Variants in GRIK2 observed in about 807,000 individuals in gnomAD.
The protein encoded by GRIK2 is glutamate ionotropic receptor kainate type subunit 2.
GRIK2 carries 32 observed loss-of-function variants against 100.3 expected under a neutral mutation model. The observed-to-expected ratio is 0.32, with a 90% CI of 0.24 to 0.43. The LOEUF (loss-of-function observed/expected upper bound fraction) is 0.43, where lower values mean the gene tolerates loss of function less well. Ranked by LOEUF, GRIK2 falls within the 20% of genes least tolerant of loss-of-function variation. The probability of loss-of-function intolerance (pLI) is 1.00; values close to 1 mark genes in which losing one functional copy is unlikely to be tolerated. For missense variants in GRIK2, 843 were observed against 1,114.9 expected (o/e 0.76, Z 3.47); for synonymous variants, 417 against 389.4 (o/e 1.07, Z -0.83).
intron 7 of GRIK2, among the ~76,000 whole-genome samples, chr6:101,751,543 A>G (rs967771919): frequency 1.3e-5 from 2 of 152,210 alleles, no homozygotes; most frequent in African/African-American, 2.4e-5. Flanking sequence ...TAAACTAATA[A>G]CTTTTTAACA....
intron 10 of GRIK2, among the ~76,000 whole-genome samples, chr6:101,818,753 A>G (rs1361388029): frequency 6.6e-6 from 1 of 152,184 alleles, no homozygotes; most frequent in East Asian, 1.9e-4. Flanking sequence ...AAAATTAGTT[A>G]CTATTGAGGA....
chr6:101,909,377 T>TTTTTGTTG (rs1554284509), intron 12 of GRIK2, among the ~76,000 whole-genome samples: 1 of 116,154 alleles, frequency 8.6e-6, no homozygotes, highest in Non-Finnish European at 1.8e-5. Context: ...TAGGGTTTTC[T>TTTTTGTTG]TTTTCTTTTT....
At chr6:101,437,334 T>G (rs1352632378) in intron 2 of GRIK2, among the ~76,000 whole-genome samples, 1 of 152,108 alleles carries the variant, frequency 6.6e-6, no homozygotes, top group African/African-American at 2.4e-5. Flanking sequence ...CCTTTTCCCT[T>G]TATTGATAAT....
intron 7 of GRIK2, among the ~76,000 whole-genome samples, chr6:101,721,171 G>T (rs1005337739): frequency 2.6e-5 from 4 of 151,908 alleles, no homozygotes; most frequent in African/African-American, 7.2e-5. Flanking sequence ...ATTGATTGTT[G>T]CTTCACTTTT....
At chr6:101,726,556 T>C (rs772472839) in intron 7 of GRIK2, among the ~76,000 whole-genome samples, 4 of 151,992 alleles carry the variant, frequency 2.6e-5, no homozygotes, top group Non-Finnish European at 5.9e-5. Context: ...ATGACAGTTA[T>C]ATCGATGATT....
At chr6:101,790,395 T>G (rs533691471) in intron 7 of GRIK2, among the ~76,000 whole-genome samples, 49 of 152,294 alleles carry the variant, frequency 3.2e-4, no homozygotes, top group African/African-American at 1.1e-3. Flanking sequence ...ATTCCTAATT[T>G]ATTGAGAATT....
chr6:101,926,952 C>T (rs1789940775), intron 13 of GRIK2, among the ~76,000 whole-genome samples: 1 of 151,994 alleles, frequency 6.6e-6, no homozygotes, highest in Non-Finnish European at 1.5e-5. Flanking sequence ...CAAAACAAAA[C>T]ACAAAAAAAG....
intron 2 of GRIK2, among the ~76,000 whole-genome samples, chr6:101,466,810 A>T (rs758371466): frequency 5.9e-5 from 9 of 152,200 alleles, no homozygotes; most frequent in Non-Finnish European, 1.3e-4. Flanking sequence ...ACTCCTGCAG[A>T]TGATGAAGGT....
chr6:101,825,610 A>AAAGTTTC (rs1782270705), intron 10 of GRIK2, among the ~76,000 whole-genome samples: 2 of 151,472 alleles, frequency 1.3e-5, no homozygotes, highest in African/African-American at 4.9e-5. Context: ...ACTTATAAGC[A>AAAGTTTC]GTTTTGCCTT....
chr6:102,064,150 T>C, intron 16 of GRIK2: 1 of 636,130 alleles, frequency 1.6e-6, no homozygotes, highest in Non-Finnish European at 2.8e-6. Context: ...TGACCTTATT[T>C]AATGACACAG....
At chr6:101,762,173 T>TGTCTCC (rs370739588) in intron 7 of GRIK2, among the ~76,000 whole-genome samples, 2 of 148,014 alleles carry the variant, frequency 1.4e-5, no homozygotes, top group Non-Finnish European at 3.0e-5. Context: ...TCTCTGTCTC[T>TGTCTCC]CTCTCTCTCT....
intron 5 of GRIK2, among the ~76,000 whole-genome samples, 158 bp downstream of exon 5, chr6:101,676,962 C>G (rs558557264): frequency 6.6e-6 from 1 of 152,106 alleles, no homozygotes; most frequent in South Asian, 2.1e-4. Flanking sequence ...AATTAATTGT[C>G]TTAAAAGAAA....
At chr6:101,506,007 T>C (rs1774009127) in intron 2 of GRIK2, among the ~76,000 whole-genome samples, 1 of 152,168 alleles carries the variant, frequency 6.6e-6, no homozygotes, top group Non-Finnish European at 1.5e-5. Flanking sequence ...ATAAATCTTT[T>C]TGAGTACTCA....
At chr6:101,909,695 A>ATAG in intron 12 of GRIK2, among the ~76,000 whole-genome samples, 2 of 150,150 alleles carry the variant, frequency 1.3e-5, no homozygotes, top group Non-Finnish European at 3.0e-5. Flanking sequence ...TTTGAAAAAA[A>ATAG]TAATGTGTGT....
intron 2 of GRIK2, among the ~76,000 whole-genome samples, chr6:101,576,342 T>C (rs1777786537): frequency 6.6e-6 from 1 of 152,102 alleles, no homozygotes; most frequent in Non-Finnish European, 1.5e-5. Flanking sequence ...TGCATGAAAG[T>C]CTCAGTCAAT....
chr6:101,497,213 T>C (rs1257607520), intron 2 of GRIK2, among the ~76,000 whole-genome samples: 2 of 152,160 alleles, frequency 1.3e-5, no homozygotes, highest in African/African-American at 2.4e-5. Context: ...GCTTCCTTCA[T>C]AGATTTTACC....
chr6:101,412,752 A>G (rs1282628181), intron 2 of GRIK2, among the ~76,000 whole-genome samples: 2 of 151,992 alleles, frequency 1.3e-5, no homozygotes, highest in Non-Finnish European at 2.9e-5. Flanking sequence ...ATCCTTCTAC[A>G]TGATATAAAT....
intron 2 of GRIK2, among the ~76,000 whole-genome samples, chr6:101,503,108 A>G (rs924904321): frequency 2.0e-5 from 3 of 152,192 alleles, no homozygotes; most frequent in Non-Finnish European, 4.4e-5. Flanking sequence ...TGGGAAAGAC[A>G]AAGTTTAAGA....
chr6:101,876,262 T>C (rs1538792), intron 11 of GRIK2, among the ~76,000 whole-genome samples: 139,422 of 151,744 alleles, frequency 0.92, 64,190 homozygotes, highest in East Asian at 0.98. Flanking sequence ...TTTTCCTCCT[T>C]ATAATGTCTT....
Sources: gnomAD v4.1 joint callset for allele counts (sites outside exome capture counted in the v4.1 genomes callset) on GRCh38, gnomAD v4.1.1 for gene constraint, MANE v1.5 for transcripts, NCBI Gene and HGNC (gene_info 2026-07-23, HGNC 2026-07-21) for gene names.